SPMIP5: variants seen among roughly 807,000 people sequenced by gnomAD.
SPMIP5 encodes sperm-associated microtubule inner protein 5.
the SPMIP5 span, chr10:116,663,867 C>A: frequency 4.0e-6 from 6 of 1,487,452 alleles, no homozygotes; most frequent in Non-Finnish European, 5.3e-6. Flanking sequence ...GTTTTGGAAG[C>A]CCCACTTAAA....
the SPMIP5 span, chr10:116,663,733 A>C: frequency 2.9e-6 from 2 of 682,014 alleles, no homozygotes; most frequent in East Asian, 5.8e-5. Flanking sequence ...CATGACAAAA[A>C]ACGGTCTTTA....
chr10:116,669,103 C>A, the SPMIP5 span, among the ~76,000 whole-genome samples: 2 of 152,284 alleles, frequency 1.3e-5, no homozygotes, highest in South Asian at 4.1e-4. Context: ...TATGTGGATG[C>A]TGTTTCTGCA....
At chr10:116,669,414 A>G in the SPMIP5 span, among the ~76,000 whole-genome samples, 1 of 152,244 alleles carries the variant, frequency 6.6e-6, no homozygotes, top group Non-Finnish European at 1.5e-5. Context: ...GCCTGGAGTC[A>G]GACAGACCTG....
the SPMIP5 span, chr10:116,664,837 T>C: frequency 1.2e-6 from 2 of 1,614,184 alleles, no homozygotes; most frequent in Middle Eastern, 1.6e-4. Flanking sequence ...TTTTTGGCCA[T>C]GACAGTGTAT....
At chr10:116,665,885 G>C in the SPMIP5 span, 1 of 1,465,542 alleles carries the variant, frequency 6.8e-7, no homozygotes, top group Non-Finnish European at 9.4e-7. Context: ...GGAATTCAGA[G>C]CCCGCCTAAA....
chr10:116,668,971 A>AC, the SPMIP5 span, among the ~76,000 whole-genome samples: 176 of 145,474 alleles, frequency 1.2e-3, 1 homozygote, highest in African/African-American at 2.9e-3. Flanking sequence ...ACACACACAC[A>AC]AACAAGGGAG....
At chr10:116,668,029 C>T in the SPMIP5 span, among the ~76,000 whole-genome samples, 7,898 of 152,296 alleles carry the variant, frequency 0.052, 521 homozygotes, top group African/African-American at 0.14. Context: ...TAAGTGCTTC[C>T]TCTGCATACC....
At chr10:116,663,689 T>C in the SPMIP5 span, 1 of 535,638 alleles carries the variant, frequency 1.9e-6, no homozygotes, top group Non-Finnish European at 3.2e-6. Flanking sequence ...CACAAGAAAC[T>C]TTAGCATGCG....
chr10:116,668,164 G>T, the SPMIP5 span: 1 of 1,248,800 alleles, frequency 8.0e-7, no homozygotes, highest in Non-Finnish European at 1.2e-6. Context: ...GGTCCAGTTG[G>T]CTGCACAGAC....
chr10:116,665,621 G>T, the SPMIP5 span: 1 of 1,613,250 alleles, frequency 6.2e-7, no homozygotes, highest in East Asian at 2.2e-5. Context: ...GGATCAGGGG[G>T]TGGTACTGCA....
At chr10:116,664,101 C>CA in the SPMIP5 span, 1 of 1,613,492 alleles carries the variant, frequency 6.2e-7, no homozygotes, top group East Asian at 2.2e-5. Context: ...CCCAGCTAAG[C>CA]AGAAAGGCCA....
the SPMIP5 span, among the ~76,000 whole-genome samples, chr10:116,663,343 T>C: frequency 6.6e-6 from 1 of 152,204 alleles, no homozygotes; most frequent in African/African-American, 2.4e-5. Context: ...CTGGCCCTGC[T>C]AACACCCCAG....
the SPMIP5 span, among the ~76,000 whole-genome samples, chr10:116,668,588 C>T: frequency 8.1e-6 from 1 of 123,676 alleles, no homozygotes; most frequent in Non-Finnish European, 1.8e-5. Context: ...CTCCTCTCCC[C>T]TCCATCCGAC....
the SPMIP5 span, among the ~76,000 whole-genome samples, chr10:116,667,903 A>G: frequency 6.6e-6 from 1 of 152,222 alleles, no homozygotes; most frequent in Admixed American, 6.5e-5. Context: ...GGAGGACTTG[A>G]GAAAACCAAC....
At chr10:116,665,914 C>A in the SPMIP5 span, 3 of 1,132,208 alleles carry the variant, frequency 2.6e-6, no homozygotes, top group South Asian at 2.9e-5. Context: ...CATTTCAGCC[C>A]ACCCTTTGGC....
At chr10:116,665,561 G>A in the SPMIP5 span, 3 of 1,561,004 alleles carry the variant, frequency 1.9e-6, no homozygotes, top group Non-Finnish European at 2.6e-6. Context: ...ATGAGAATCT[G>A]CAGGGGTGAC....
At chr10:116,668,308 T>C in the SPMIP5 span, 1 of 1,613,230 alleles carries the variant, frequency 6.2e-7, no homozygotes, top group Non-Finnish European at 8.5e-7. Flanking sequence ...CTTGGAAGGC[T>C]CCATGATTTC....
At chr10:116,664,718 C>T in the SPMIP5 span, 1 of 1,600,958 alleles carries the variant, frequency 6.2e-7, no homozygotes, top group South Asian at 1.1e-5. Context: ...TGCACTTCTC[C>T]CTTTGACCTT....
At chr10:116,668,279 G>C in the SPMIP5 span, 13 of 1,613,868 alleles carry the variant, frequency 8.1e-6, no homozygotes, top group African/African-American at 1.7e-4. Context: ...GGTGTGATTG[G>C]CAGGTTTCTC....
Sources: allele counts gnomAD v4.1 joint callset (sites outside exome capture counted in the v4.1 genomes callset), GRCh38; gene constraint gnomAD v4.1.1; transcripts MANE v1.5; gene names NCBI Gene and HGNC (gene_info 2026-07-23, HGNC 2026-07-21).